Variants in SPRY3 observed in about 807,000 individuals in gnomAD.
SPRY3 encodes sprouty RTK signaling antagonist 3.
SPRY3 carries 15 observed loss-of-function variants against 20.2 expected under a neutral mutation model. That is an observed-to-expected ratio of 0.74 (90% confidence interval 0.50 to 1.14). The LOEUF (loss-of-function observed/expected upper bound fraction) is 1.14. Ranked by LOEUF, SPRY3 falls within the 50% of genes most tolerant of loss-of-function variation. The probability of loss-of-function intolerance (pLI) is 0.00; values close to 1 mark genes in which losing one functional copy is unlikely to be tolerated. For missense variants in SPRY3, 364 were observed against 363.9 expected (o/e 1.00, Z 0.00); for synonymous variants, 143 against 136.5 (o/e 1.05, Z -0.33).
At chrX:155,780,227 A>T (rs1411228298), downstream of SPRY3, 1 of 167,036 alleles carries the variant, frequency 6.0e-6, no homozygotes, top group Non-Finnish European at 1.5e-5. Flanking sequence ...GGTAATAGTC[A>T]TCCCTCTGAT....
At chrX:155,741,618 C>G (rs1274813078) in intron 2 of SPRY3, among the ~76,000 whole-genome samples, 5 of 152,044 alleles carry the variant, frequency 3.3e-5, no homozygotes, top group African/African-American at 9.7e-5. Context: ...GGCCAGGTCA[C>G]CTACAAAGGG....
chrX:155,671,000 T>C, intron 2 of SPRY3, among the ~76,000 whole-genome samples: 1 of 112,094 alleles, frequency 8.9e-6, no homozygotes, highest in Non-Finnish European at 1.9e-5. Context: ...ATGGCAACTT[T>C]TTCTTCCATG....
intron 1 of SPRY3, among the ~76,000 whole-genome samples, chrX:155,623,485 C>G (rs1037772857): frequency 1.8e-5 from 2 of 111,796 alleles, no homozygotes; most frequent in East Asian, 5.6e-4. Flanking sequence ...ACTTTATGCA[C>G]TTTTTATTGA....
chrX:155,684,112 C>A (rs2068081132), intron 2 of SPRY3, among the ~76,000 whole-genome samples: 1 of 110,443 alleles, frequency 9.1e-6, no homozygotes, highest in African/African-American at 3.3e-5. Flanking sequence ...CTGGAGTAGA[C>A]TGAGAGAGAG....
chrX:155,627,522 A>G (rs1192216660), intron 1 of SPRY3, among the ~76,000 whole-genome samples: 1 of 112,160 alleles, frequency 8.9e-6, no homozygotes, highest in Non-Finnish European at 1.9e-5. Flanking sequence ...TTTATTCCAT[A>G]TCTTGGCTAT....
At chrX:155,779,079 C>A (rs1444702283), downstream of SPRY3, 2 of 167,052 alleles carry the variant, frequency 1.2e-5, no homozygotes, top group Non-Finnish European at 2.9e-5. Context: ...CATCTCCATA[C>A]AGCCCACGTG....
intron 2 of SPRY3, among the ~76,000 whole-genome samples, chrX:155,706,761 G>C (rs896112806): frequency 1.3e-5 from 2 of 150,736 alleles, no homozygotes; most frequent in Non-Finnish European, 3.0e-5. Context: ...TAAATCCCTG[G>C]GAGGCGCGAA....
At chrX:155,749,244 G>T (rs1408180218) in intron 2 of SPRY3, among the ~76,000 whole-genome samples, 1 of 151,858 alleles carries the variant, frequency 6.6e-6, no homozygotes, top group East Asian at 1.9e-4. Flanking sequence ...ATTCTTTTAG[G>T]CACTGGGGAT....
chrX:155,630,790 T>G (rs781938337), intron 1 of SPRY3, among the ~76,000 whole-genome samples: 6 of 111,508 alleles, frequency 5.4e-5, no homozygotes, highest in Non-Finnish European at 1.1e-4. Context: ...TTTTCTATTA[T>G]TTCTTTGAAT....
chrX:155,624,951 C>G (rs1165613045), intron 1 of SPRY3, among the ~76,000 whole-genome samples: 1 of 111,404 alleles, frequency 9.0e-6, no homozygotes, highest in Non-Finnish European at 1.9e-5. Context: ...AATTTCTTCT[C>G]TTAATACAAT....
chrX:155,705,164 AT>A (rs2090941587), intron 2 of SPRY3, among the ~76,000 whole-genome samples: 1 of 151,482 alleles, frequency 6.6e-6, no homozygotes, highest in Admixed American at 6.6e-5. Flanking sequence ...TAAAGAAAAA[AT>A]ATAATAATTT....
At chrX:155,740,199 G>T (rs2091196618) in intron 2 of SPRY3, among the ~76,000 whole-genome samples, 1 of 152,116 alleles carries the variant, frequency 6.6e-6, no homozygotes, top group African/African-American at 2.4e-5. Flanking sequence ...GAGGATGTAT[G>T]TCACCTCAGG....
Position 155,747,527 on chromosome X carries a change from A to G in SPRY3, c.-281-20435A>G, listed in dbSNP as rs754032256. Among the ~76,000 whole-genome samples the G allele has an allele frequency of 8.5e-5, 13 of 152,088 alleles. No individual in the cohort carries two copies. The South Asian group carries it at 2.7e-3, about 32-fold the overall frequency. ...TATCTCCATTAATCCATACTCCAAA[A>G]TATTGCCCACTCTTTTAAGCTACCA... On this transcript the variant is annotated intron_variant, in intron 2 of 3. Transcript: ENST00000675360.
intron 2 of SPRY3, among the ~76,000 whole-genome samples, chrX:155,742,666 T>TC (rs2091209160): frequency 6.6e-6 from 1 of 152,094 alleles, no homozygotes. Context: ...AAATTGGACC[T>TC]CAAGATTAAG....
intron 2 of SPRY3, among the ~76,000 whole-genome samples, chrX:155,759,394 T>C (rs892109022): frequency 2.2e-4 from 33 of 152,150 alleles, no homozygotes; most frequent in African/African-American, 7.0e-4. Context: ...ATTAGGTATA[T>C]TTCCTCTCTG....
chrX:155,747,447 T>C (rs1446461353), intron 2 of SPRY3, among the ~76,000 whole-genome samples: 1 of 151,972 alleles, frequency 6.6e-6, no homozygotes, highest in African/African-American at 2.4e-5. Flanking sequence ...TATTATTAAA[T>C]TATCTCTAAA....
chrX:155,721,242 A>G (rs779110565), intron 2 of SPRY3, among the ~76,000 whole-genome samples: 23 of 152,290 alleles, frequency 1.5e-4, no homozygotes, highest in Non-Finnish European at 3.1e-4. Flanking sequence ...TTGAAAATGC[A>G]CAGTCAGAGA....
chrX:155,732,439 C>G (rs899880684), intron 2 of SPRY3, among the ~76,000 whole-genome samples: 2 of 151,908 alleles, frequency 1.3e-5, no homozygotes, highest in Non-Finnish European at 1.5e-5. Flanking sequence ...AAATGCAAAT[C>G]AAAACTACAA....
At chrX:155,760,724 A>G (rs2091300790) in intron 2 of SPRY3, among the ~76,000 whole-genome samples, 1 of 152,060 alleles carries the variant, frequency 6.6e-6, no homozygotes, top group African/African-American at 2.4e-5. Context: ...TCTCCTGTGC[A>G]GCTCACAATA....
Sources: gnomAD v4.1 joint callset for allele counts (sites outside exome capture counted in the v4.1 genomes callset) on GRCh38, gnomAD v4.1.1 for gene constraint, MANE v1.5 for transcripts, NCBI Gene and HGNC (gene_info 2026-07-23, HGNC 2026-07-21) for gene names.